Variants in GRK2 observed in about 807,000 individuals in gnomAD.
GRK2 encodes adrenergic beta receptor kinase 1.
Under a neutral mutation model 97.8 loss-of-function variants are expected in GRK2, and 23 were observed. The ratio of observed to expected loss-of-function variants is 0.24; its 90% CI spans 0.17 to 0.33. The LOEUF is 0.33. GRK2 is among the 10% of genes least tolerant of loss of function. The pLI, the probability that GRK2 is intolerant of heterozygous loss-of-function variation, is 1.00. For missense variants in GRK2, 633 were observed against 956.9 expected (o/e 0.66, Z 4.47); for synonymous variants, 425 against 381.7 (o/e 1.11, Z -1.32).
At chr11:67,283,315 G>C in intron 15 of GRK2, 87 bp downstream of exon 15, 1 of 1,219,510 alleles carries the variant, frequency 8.2e-7, no homozygotes, top group South Asian at 1.2e-5. Flanking sequence ...CCCCCTCCAA[G>C]GTCCCAGCCT....
rs762658327 is a variant in GRK2 at position 67,266,830 on chromosome 11, GCGGCCCCGGCCCGACCCCGCGGGCGCCC to G, written c.113+24_113+51del. On this transcript the variant is annotated intron_variant, in intron 1 of 20. Coordinates refer to ENST00000308595, the MANE Select transcript of GRK2 (RefSeq NM_001619.5). The stretch of plus-strand genomic sequence containing the variant: ...GAGCCCAGGTGAGGAGAAGCTGCCC[GCGGCCCCGGCCCGACCCCGCGGGCGCCC>G]CGGCCGCGGCCCCGAGACCCTGGCC... 177 of 1,215,126 alleles carry G rather than the reference GCGGCCCCGGCCCGACCCCGCGGGCGCCC, an allele frequency of 1.5e-4. No individual in the cohort carries two copies. Among genetic ancestry groups the G allele is most frequent in the Non-Finnish European group, 1.6e-4 (157 of 957,984 alleles). The allele number at this position is 1,215,126 out of a possible 1,614,324, so 75.3% of individuals were successfully genotyped here.
rs1246290647 is a variant in GRK2, at chr11:67,281,133, G to A, written c.596G>A (p.Arg199His). 1.9e-6 allele frequency: 3 copies of A among 1,613,542 alleles called. No individual in the cohort carries two copies. The highest frequency in any genetic ancestry group is 1.7e-6 in the Non-Finnish European group (2 of 1,179,784). Residue 199 changes from arginine to histidine, a missense_variant, in exon 8 of 21, where the codon CGC becomes CAC. Arg to His is a conservative substitution (Grantham distance 29). Transcript: ENST00000308595. The surrounding 1 kb of genome is among the most constrained non-coding windows in gnomAD (Gnocchi z 5.7). ...TTCAGCGTGCATCGCATCATTGGGC[G>A]CGGGGGCTTTGGCGAGGTCTATGGG... ...NDFSVHRIIGRGGFGEVYGCR... is the reference protein window; with the variant it reads ...NDFSVHRIIGHGGFGEVYGCR...
In GRK2 at chr11:67,279,190, T is replaced by A. The variant is rs1860094567; in HGVS notation, c.191-10T>A. 1 of 1,611,692 alleles carries A rather than the reference T, an allele frequency of 6.2e-7. No individual in the cohort carries two copies. Among genetic ancestry groups the A allele is most frequent in the African/African-American group, 1.3e-5 (1 of 74,870 alleles). ...GGCGTGGCTCTGTGACCTTACACTG[T>A]TGCCTTCAGGGTACCTGCTCTTCCG... On this transcript the variant is annotated splice_polypyrimidine_tract_variant and intron_variant, in intron 2 of 20. Coordinates refer to ENST00000308595, the MANE Select transcript of GRK2 (RefSeq NM_001619.5).
In GRK2 at chr11:67,282,020, C is replaced by A; in HGVS notation, c.957+68C>A. Reference sequence around the variant, plus strand: ...CCTCTCCTTCCTCTCGACATCCCGGCCACCAGGCCCAGAGGAGTGGGGCTC... The same window carrying A: ...CCTCTCCTTCCTCTCGACATCCCGGACACCAGGCCCAGAGGAGTGGGGCTC... On this transcript the variant is annotated intron_variant, in intron 11 of 20. Transcript: ENST00000308595. The surrounding 1 kb of genome is among the most constrained non-coding windows in gnomAD (Gnocchi z 6.9). The A allele has an allele frequency of 6.3e-7, 1 of 1,596,918 alleles. No individual in the cohort carries two copies. The highest frequency in any genetic ancestry group is 8.6e-7 in the Non-Finnish European group (1 of 1,169,116).
chr11:67,284,046 C>T (rs552877616), intron 17 of GRK2, 97 bp downstream of exon 17: 15 of 1,419,664 alleles, frequency 1.1e-5, no homozygotes, highest in South Asian at 6.3e-5. Flanking sequence ...CCTGTGCCAG[C>T]CCTGCCAGCT....
In GRK2 at chr11:67,285,407, G is replaced by A. The variant is rs768791963; in HGVS notation, c.2027G>A (p.Ser676Asn). The A allele has an allele frequency of 6.2e-7, 1 of 1,603,974 alleles. No homozygotes were observed. Among genetic ancestry groups the A allele is most frequent in the East Asian group, 2.2e-5 (1 of 44,682 alleles). The change falls in exon 21 of 21, where the codon AGC (serine) becomes AAC (asparagine). Residue 676 changes from serine to asparagine, a missense_variant. Physicochemically the swap from Ser to Asn is conservative, Grantham distance 46. Around this residue, in one of 4 missense-constraint regions of GRK2, gnomAD observed 180 missense variants for 311.3 expected, o/e 0.58. Coordinates refer to ENST00000308595, the MANE Select transcript of GRK2 (RefSeq NM_001619.5). ...NKPRSPVVEL[S>N]KVPLVQRGSA... Reference sequence around the variant, plus strand: ...CCGCGCTCGCCCGTGGTGGAGCTGAGCAAGGTGCCGCTGGTCCAGCGCGGC... The same window carrying A: ...CCGCGCTCGCCCGTGGTGGAGCTGAACAAGGTGCCGCTGGTCCAGCGCGGC...
intron 1 of GRK2, among the ~76,000 whole-genome samples, chr11:67,271,439 G>A (rs528271269): frequency 2.2e-4 from 33 of 152,370 alleles, no homozygotes; most frequent in African/African-American, 7.7e-4. Context: ...TGACTCTAGA[G>A]CCATTTCGTG....
At chr11:67,271,007 A>G (rs991128327) in intron 1 of GRK2, 1 of 152,296 alleles carries the variant, frequency 6.6e-6, no homozygotes, top group Admixed American at 6.5e-5. Flanking sequence ...GGTTGCACCC[A>G]GGTGGGCTTG....
At chr11:67,270,723 C>A (rs61759804) in intron 1 of GRK2, among the ~76,000 whole-genome samples, 2 of 152,188 alleles carry the variant, frequency 1.3e-5, no homozygotes, top group African/African-American at 4.8e-5. Context: ...ACCGCCGTTC[C>A]CCAGGAATGG....
At chr11:67,283,315 G>T (rs936228655) in intron 15 of GRK2, 87 bp downstream of exon 15, 1 of 1,219,392 alleles carries the variant, frequency 8.2e-7, no homozygotes, top group African/African-American at 1.5e-5. Context: ...CCCCCTCCAA[G>T]GTCCCAGCCT....
chr11:67,266,753 G>A lies in GRK2; in HGVS notation c.54G>A (p.Glu18=), dbSNP rs781538949. Residue 18 remains glutamate (E), a synonymous_variant, in exon 1 of 21, where the codon GAG becomes GAA. Transcript: ENST00000308595. ...LADVSYLMAM[E]KSKATPAARA... is the part of the protein sequence containing the mutation. The stretch of plus-strand genomic sequence containing the variant: ...ACGTGAGCTACCTGATGGCCATGGA[G>A]AAGAGCAAGGCCACGCCGGCCGCGC... 1.4e-5 allele frequency: 19 copies of A among 1,383,928 alleles called. No homozygotes were observed. In the South Asian group the frequency reaches 2.1e-4, roughly 16 times the overall value. The allele number at this position is 1,383,928 out of a possible 1,614,324, so 85.7% of individuals were successfully genotyped here. A position where few individuals can be genotyped will look rare whatever the true frequency, so the allele number is the denominator to read the frequency against.
intron 15 of GRK2, 72 bp downstream of exon 15, chr11:67,283,300 TG>T: frequency 7.3e-7 from 1 of 1,363,236 alleles, no homozygotes; most frequent in Non-Finnish European, 1.0e-6. Flanking sequence ...TCCCGTCACC[TG>T]GAACCCCCTC....
rs767067788 is a variant in GRK2 at position 67,286,379 on chromosome 11, C to A, written c.*929C>A. On this transcript the variant is annotated 3_prime_UTR_variant, in exon 21 of 21. Transcript: ENST00000308595. ...GTGCCGCCGCCTCGCCCACCGCATG[C>A]CCCCTCGTGCCAGTCGCGCTGCCTG... The A allele has an allele frequency of 1.4e-6, 1 of 699,024 alleles. No homozygotes were observed. The highest frequency in any genetic ancestry group is 1.5e-5 in the South Asian group (1 of 67,360). 43.3% of individuals were successfully genotyped at this position (699,024 alleles called of 1,614,324 possible).
At chr11:67,273,875 C>T (rs1001898640) in intron 1 of GRK2, among the ~76,000 whole-genome samples, 11 of 152,078 alleles carry the variant, frequency 7.2e-5, no homozygotes, top group Non-Finnish European at 8.8e-5. Flanking sequence ...AGGGCCTGCC[C>T]GGCAGGTTCC....
At position 67,281,252 on chromosome 11, in the gene GRK2, G is replaced by A. The variant is rs561798843; in HGVS notation, c.647+68G>A. 7.4e-5 allele frequency: 107 copies of A among 1,438,618 alleles called. No individual in the cohort carries two copies. The African/African-American group carries it at 9.8e-4, about 13-fold the overall frequency. The allele number at this position is 1,438,618 out of a possible 1,614,324, so 89.1% of individuals were successfully genotyped here. A position where few individuals can be genotyped will look rare whatever the true frequency, so the allele number is the denominator to read the frequency against. On this transcript the variant is annotated intron_variant, in intron 8 of 20. Coordinates refer to ENST00000308595, the MANE Select transcript of GRK2 (RefSeq NM_001619.5). The surrounding 1 kb of genome is among the most constrained non-coding windows in gnomAD (Gnocchi z 5.7). Reference sequence around the variant, plus strand: ...GGCTCCTGGGGGACCCTGACAGGCCGGGTTCCACACAGGGCCACCTGCTGC... The same window carrying A: ...GGCTCCTGGGGGACCCTGACAGGCCAGGTTCCACACAGGGCCACCTGCTGC...
rs761365631 is a variant in GRK2 at position 67,279,226 on chromosome 11, C to G, written c.217C>G (p.Leu73Val). The G allele has an allele frequency of 6.2e-7, 1 of 1,613,626 alleles. No individual in the cohort carries two copies. The highest frequency in any genetic ancestry group is 1.1e-5 in the South Asian group (1 of 91,072). Reference sequence around the variant, plus strand: ...GTACCTGCTCTTCCGAGACTTCTGCCTGAACCACCTGGAGGAGGCCAGGCC... The same window carrying G: ...GTACCTGCTCTTCCGAGACTTCTGCGTGAACCACCTGGAGGAGGCCAGGCC... The part of the protein sequence containing the change: ...LGYLLFRDFC[L>V]NHLEEARPLV... Residue 73 changes from leucine (L) to valine (V), a missense_variant, in exon 3 of 21, where the codon CTG becomes GTG. Leu to Val is a conservative substitution (Grantham distance 32). Around this residue, in one of 4 missense-constraint regions of GRK2, gnomAD observed 193 missense variants for 212.2 expected, o/e 0.91. Coordinates refer to ENST00000308595, the MANE Select transcript of GRK2 (RefSeq NM_001619.5).
At position 67,283,893 on chromosome 11, in the gene GRK2, G is replaced by A; in HGVS notation, c.1435G>A (p.Ala479Thr). ...PLIPPRGEVN[A>T]ADAFDIGSFD... ...GATCCCCCCACGAGGGGAGGTGAAC[G>A]CGGCCGACGCCTTCGACATTGGCTC... The change falls in exon 17 of 21, where the codon GCG becomes ACG. Residue 479 changes from alanine (A) to threonine (T), a missense_variant. By Grantham distance (58) the Ala-to-Thr change is moderately conservative (BLOSUM62 0). Around this residue, in one of 4 missense-constraint regions of GRK2, gnomAD observed 180 missense variants for 311.3 expected, o/e 0.58. Transcript: ENST00000308595. 3 of 1,613,038 alleles carry A rather than the reference G, an allele frequency of 1.9e-6. No homozygotes were observed. The highest frequency in any genetic ancestry group is 2.2e-5 in the East Asian group (1 of 44,862).
intron 1 of GRK2, among the ~76,000 whole-genome samples, chr11:67,270,366 G>A (rs1859880960): frequency 6.6e-6 from 1 of 152,038 alleles, no homozygotes; most frequent in South Asian, 2.1e-4. Context: ...GCAGCCTCCC[G>A]ATTTCTTGGC....
intron 18 of GRK2, 36 bp from the exon 19 acceptor site, chr11:67,284,811 T>C (rs778699934): frequency 6.2e-7 from 1 of 1,602,878 alleles, no homozygotes; most frequent in South Asian, 1.1e-5. Context: ...GAAACCCAGG[T>C]GGGGCCGGCT....
Sources: allele counts gnomAD v4.1 joint callset (sites outside exome capture counted in the v4.1 genomes callset), GRCh38; gene constraint gnomAD v4.1.1; regional missense constraint gnomAD v4.1.1; non-coding constraint Gnocchi (gnomAD v3.1); transcripts MANE v1.5; gene names NCBI Gene and HGNC (gene_info 2026-07-23, HGNC 2026-07-21).